FAM117A: variants seen among roughly 807,000 people sequenced by gnomAD.
The protein encoded by FAM117A is family with sequence similarity 117 member A.
FAM117A carries 21 observed loss-of-function variants against 44.1 expected under a neutral mutation model. The ratio of observed to expected loss-of-function variants is 0.48; its 90% confidence interval spans 0.34 to 0.69. FAM117A has a LOEUF of 0.69. Among genes scored for constraint, FAM117A ranks in the 30% least tolerant of loss-of-function variants. FAM117A has a pLI of 0.01. For missense variants in FAM117A, 498 were observed against 589.9 expected (o/e 0.84, Z 1.61); for synonymous variants, 220 against 238.3 (o/e 0.92, Z 0.71).
rs1001848024 is a variant in FAM117A, at chr17:49,755,225, C to CTG, written c.196+8665_196+8666dup. ...TTGGTGGGAGAAGAAATAGCAGTGC[C>CTG]TGCTATCACAGGATGGTGGCTGGCT... On this transcript the variant is annotated intron_variant, in intron 1 of 7. Transcript: ENST00000240364. 2.9e-4 allele frequency among the ~76,000 whole-genome samples: 44 copies of CTG among 152,122 alleles called. 2 individuals carry two copies.
chr17:49,751,450 T>G (rs1394642793), intron 1 of FAM117A, among the ~76,000 whole-genome samples: 2 of 151,618 alleles, frequency 1.3e-5, no homozygotes, highest in Non-Finnish European at 2.9e-5. Context: ...CATGGTGGCA[T>G]GCGCCTGTGG....
At chr17:49,756,678 G>A (rs2073699954) in intron 1 of FAM117A, among the ~76,000 whole-genome samples, 1 of 151,770 alleles carries the variant, frequency 6.6e-6, no homozygotes, top group Non-Finnish European at 1.5e-5. Context: ...CACTTTGGGA[G>A]GCCAAGGCAG....
upstream of FAM117A, chr17:49,764,140 A>G (rs527882090): frequency 4.9e-5 from 42 of 856,176 alleles, no homozygotes; most frequent in East Asian, 1.3e-3. Flanking sequence ...ACAGCCCCCC[A>G]ACCCCCGAGG....
At chr17:49,713,075 TG>T (rs2073486004) in intron 7 of FAM117A, among the ~76,000 whole-genome samples, 1 of 152,128 alleles carries the variant, frequency 6.6e-6, no homozygotes, top group African/African-American at 2.4e-5. Context: ...TTAGTAGAGA[TG>T]GGAGTCTCAC....
intron 1 of FAM117A, among the ~76,000 whole-genome samples, chr17:49,733,102 A>G (rs181211981): frequency 6.6e-6 from 1 of 152,250 alleles, no homozygotes; most frequent in East Asian, 1.9e-4. Flanking sequence ...TAAAAAACAA[A>G]TTTTCTTCCA....
chr17:49,733,003 GAC>G, intron 1 of FAM117A: 1 of 342,032 alleles, frequency 2.9e-6, no homozygotes, highest in Non-Finnish European at 5.5e-6. Context: ...GCTCCTAATG[GAC>G]TATGAACCGT....
At chr17:49,764,885 T>C (rs894629473), upstream of FAM117A, among the ~76,000 whole-genome samples, 4 of 152,152 alleles carry the variant, frequency 2.6e-5, no homozygotes, top group Non-Finnish European at 5.9e-5. Flanking sequence ...AAATTGGGAC[T>C]CTGAAAAGAA....
At chr17:49,773,090 G>A (rs1174439618) in intron 1 of FAM117A, among the ~76,000 whole-genome samples, 1 of 152,024 alleles carries the variant, frequency 6.6e-6, no homozygotes, top group Non-Finnish European at 1.5e-5. Flanking sequence ...TGGATCACAA[G>A]GTCAGGAATT....
intron 5 of FAM117A, chr17:49,718,124 T>G: frequency 6.4e-6 from 1 of 156,774 alleles, no homozygotes; most frequent in African/African-American, 2.4e-5. Context: ...GCTGTAACCA[T>G]TGCAGAACAA....
chr17:49,744,220 T>A (rs1388678212), intron 1 of FAM117A, among the ~76,000 whole-genome samples: 1 of 152,212 alleles, frequency 6.6e-6, no homozygotes, highest in Non-Finnish European at 1.5e-5. Context: ...GTCCCTCATA[T>A]AAAATAGTGT....
At chr17:49,750,818 T>A (rs866877309) in intron 1 of FAM117A, among the ~76,000 whole-genome samples, 1 of 151,998 alleles carries the variant, frequency 6.6e-6, no homozygotes, top group African/African-American at 2.4e-5. Context: ...CCAGAAAAAG[T>A]GCTTGGTATA....
At position 49,764,026 on chromosome 17, in the gene FAM117A, G is replaced by A; in HGVS notation, c.62C>T (p.Ala21Val). The A allele has an allele frequency of 2.5e-6, 3 of 1,189,562 alleles. No individual in the cohort carries two copies. Among genetic ancestry groups the A allele is most frequent in the Non-Finnish European group, 3.1e-6 (3 of 953,598 alleles). The allele number at this position is 1,189,562 out of a possible 1,614,324, so 73.7% of individuals were successfully genotyped here. ...GGAWGPGRGG[A>V]GGLRRGCSPP... ...AGAGCAGCCCCGCCGGAGCCCCCCG[G>A]CCCCTCCGCGCCCCGGCCCCCAGGC... Residue 21 changes from alanine to valine, a missense_variant, in exon 1 of 8, where the codon GCC becomes GTC. Ala to Val is a moderately conservative substitution (Grantham distance 64, BLOSUM62 0). Around this residue, in one of 3 missense-constraint regions of FAM117A, gnomAD observed 270 missense variants for 277.4 expected, o/e 0.97. Transcript: ENST00000240364.
At chr17:49,754,030 T>C (rs2073687732) in intron 1 of FAM117A, among the ~76,000 whole-genome samples, 1 of 152,314 alleles carries the variant, frequency 6.6e-6, no homozygotes, top group South Asian at 2.1e-4. Flanking sequence ...CACATAGCCC[T>C]TCTCTCCCCA....
chr17:49,765,472 G>T (rs1159951293), upstream of FAM117A: 2 of 152,200 alleles, frequency 1.3e-5, no homozygotes, highest in Non-Finnish European at 2.9e-5. Flanking sequence ...GTCATTCTGG[G>T]ATTAAATATT....
chr17:49,724,297 G>A, intron 2 of FAM117A: 2 of 453,836 alleles, frequency 4.4e-6, no homozygotes, highest in Non-Finnish European at 4.4e-6. Flanking sequence ...ACACAAACCT[G>A]TTGTCCCTGG....
intron 1 of FAM117A, among the ~76,000 whole-genome samples, chr17:49,752,375 C>T (rs2073681099): frequency 6.6e-6 from 1 of 152,186 alleles, no homozygotes; most frequent in Non-Finnish European, 1.5e-5. Context: ...TTCTTTCCCA[C>T]TAGAAGTAGG....
In FAM117A at chr17:49,732,707, G is replaced by C; in HGVS notation, c.210C>G (p.Cys70Trp). ...DGGGRAASVP[C>W]SVAPEKSVCR... ...ACACTGACTTTTCTGGGGCCACCGAGCATGGGACGCTGGCTGCAAGAGAAC... is the reference window on the plus strand; with the variant it reads ...ACACTGACTTTTCTGGGGCCACCGACCATGGGACGCTGGCTGCAAGAGAAC... Residue 70 changes from cysteine (C) to tryptophan (W), a missense_variant, in exon 2 of 8, where the codon TGC (cysteine) becomes TGG (tryptophan). By Grantham distance (215) the Cys-to-Trp change is radical (BLOSUM62 -2). Transcript: ENST00000240364. 1 of 1,613,374 alleles carries C rather than the reference G, an allele frequency of 6.2e-7. No individual in the cohort carries two copies. The highest frequency in any genetic ancestry group is 8.5e-7 in the Non-Finnish European group (1 of 1,179,660).
chr17:49,758,889 A>C (rs2073711094), intron 1 of FAM117A, among the ~76,000 whole-genome samples: 1 of 152,184 alleles, frequency 6.6e-6, no homozygotes, highest in Non-Finnish European at 1.5e-5. Flanking sequence ...ATGCTCTAAC[A>C]GTTCTTCTAA....
chr17:49,740,087 TAG>T (rs2073626675), intron 1 of FAM117A, among the ~76,000 whole-genome samples: 2 of 152,146 alleles, frequency 1.3e-5, no homozygotes, highest in African/African-American at 4.8e-5. Flanking sequence ...AGGATGGCTT[TAG>T]AGAGAGGGAG....
Sources: allele counts gnomAD v4.1 joint callset (sites outside exome capture counted in the v4.1 genomes callset), GRCh38; gene constraint gnomAD v4.1.1; regional missense constraint gnomAD v4.1.1; transcripts MANE v1.5; gene names NCBI Gene and HGNC (gene_info 2026-07-23, HGNC 2026-07-21).